C1orf185: variants seen among roughly 807,000 people sequenced by gnomAD.
C1orf185 encodes uncharacterized protein C1orf185.
In C1orf185, 13 loss-of-function variants were observed where a neutral mutation model predicts 16.1. The ratio of observed to expected loss-of-function variants is 0.81; its 90% confidence interval spans 0.53 to 1.28. The LOEUF is 1.28. Ranked by LOEUF, C1orf185 falls within the 50% of genes most tolerant of loss-of-function variation. The pLI, the probability that C1orf185 is intolerant of heterozygous loss-of-function variation, is 0.00. For synonymous variants in C1orf185, 80 were observed against 76.9 expected (o/e 1.04, Z -0.21); for missense variants, 220 against 225.2 (o/e 0.98, Z 0.15).
chr1:51,116,985 C>A (rs1171893994), intron 2 of C1orf185, among the ~76,000 whole-genome samples: 3 of 152,192 alleles, frequency 2.0e-5, no homozygotes, highest in African/African-American at 4.8e-5. Flanking sequence ...TACCAGGTAG[C>A]TTTCCTTGAC....
At chr1:51,127,133 G>A (rs186340929) in intron 3 of C1orf185, among the ~76,000 whole-genome samples, 46 of 152,182 alleles carry the variant, frequency 3.0e-4, no homozygotes, top group African/African-American at 9.9e-4. Context: ...AAAGAATTTA[G>A]ATATTCCACT....
intron 2 of C1orf185, among the ~76,000 whole-genome samples, chr1:51,117,870 A>G (rs1646169040): frequency 6.6e-6 from 1 of 152,132 alleles, no homozygotes; most frequent in Admixed American, 6.5e-5. Context: ...GGATAAGAAA[A>G]GATTACGGTA....
At chr1:51,128,725 T>C (rs1646260684) in intron 3 of C1orf185, among the ~76,000 whole-genome samples, 1 of 151,960 alleles carries the variant, frequency 6.6e-6, no homozygotes, top group Non-Finnish European at 1.5e-5. Flanking sequence ...TAAAATAAAA[T>C]AGCTTTTAAT....
intron 4 of C1orf185, among the ~76,000 whole-genome samples, chr1:51,145,964 T>C (rs1464636108): frequency 1.3e-5 from 2 of 152,162 alleles, no homozygotes; most frequent in Admixed American, 6.5e-5. Context: ...TAAACTAAAA[T>C]GTGAAGTTTT....
chr1:51,127,699 C>T (rs1017506268), intron 3 of C1orf185, among the ~76,000 whole-genome samples: 15 of 151,994 alleles, frequency 9.9e-5, no homozygotes, highest in Non-Finnish European at 1.8e-4. Context: ...GGGGCTCACC[C>T]ATGTTATTGT....
intron 1 of C1orf185, among the ~76,000 whole-genome samples, chr1:51,110,401 A>G (rs1324166824): frequency 6.6e-6 from 1 of 152,226 alleles, no homozygotes; most frequent in Non-Finnish European, 1.5e-5. Context: ...ATAACCTTAT[A>G]TAACCTTTTT....
chr1:51,103,137 G>C (rs1295694518), intron 1 of C1orf185, among the ~76,000 whole-genome samples: 1 of 151,896 alleles, frequency 6.6e-6, no homozygotes, highest in African/African-American at 2.4e-5. Flanking sequence ...CAGGTACAGT[G>C]GCTCTCACTT....
intron 3 of C1orf185, among the ~76,000 whole-genome samples, chr1:51,137,418 C>T (rs1646333272): frequency 6.6e-6 from 1 of 152,064 alleles, no homozygotes; most frequent in African/African-American, 2.4e-5. Context: ...CCTGTAATTC[C>T]AGCTACTTGG....
intron 4 of C1orf185, among the ~76,000 whole-genome samples, chr1:51,147,132 TAA>T (rs1386451490): frequency 6.6e-6 from 1 of 152,188 alleles, no homozygotes; most frequent in Admixed American, 6.5e-5. Flanking sequence ...ACAAATTGAA[TAA>T]GTGAAAAATG....
intron 3 of C1orf185, among the ~76,000 whole-genome samples, chr1:51,136,564 CAACGG>C (rs1206479904): frequency 6.6e-6 from 1 of 151,996 alleles, no homozygotes; most frequent in Non-Finnish European, 1.5e-5. Flanking sequence ...ACGCATAGAT[CAACGG>C]AACAGAATAC....
intron 3 of C1orf185, among the ~76,000 whole-genome samples, chr1:51,143,049 C>T (rs1030875622): frequency 6.6e-6 from 1 of 152,168 alleles, no homozygotes; most frequent in Non-Finnish European, 1.5e-5. Context: ...CAGATGTGAG[C>T]CACCGTGCCC....
chr1:51,146,530 A>T, intron 4 of C1orf185, among the ~76,000 whole-genome samples: 1 of 152,132 alleles, frequency 6.6e-6, no homozygotes. Context: ...AAAAGTTAAT[A>T]TGTAAAATGT....
chr1:51,135,956 A>C (rs1646320695), intron 3 of C1orf185, among the ~76,000 whole-genome samples: 1 of 152,230 alleles, frequency 6.6e-6, no homozygotes, highest in Non-Finnish European at 1.5e-5. Context: ...AACTTTGGCA[A>C]AGTCTCAGGA....
At chr1:51,148,131 A>T (rs114529159), downstream of C1orf185, 529 of 174,730 alleles carry the variant, frequency 3.0e-3, 2 homozygotes, top group African/African-American at 0.012. Context: ...AATAATACAT[A>T]TATTTTCTTT....
At chr1:51,146,351 T>C (rs1336834226) in intron 4 of C1orf185, among the ~76,000 whole-genome samples, 1 of 150,892 alleles carries the variant, frequency 6.6e-6, no homozygotes, top group Non-Finnish European at 1.5e-5. Flanking sequence ...CCCAGCTACT[T>C]GGGAGGCTGG....
chr1:51,129,178 C>A (rs1039124311), intron 3 of C1orf185, among the ~76,000 whole-genome samples: 2 of 152,176 alleles, frequency 1.3e-5, no homozygotes. Flanking sequence ...AGCCACCGTG[C>A]CTGGCCACGC....
At chr1:51,106,089 A>G (rs1223384443) in intron 1 of C1orf185, among the ~76,000 whole-genome samples, 1 of 152,178 alleles carries the variant, frequency 6.6e-6, no homozygotes, top group Non-Finnish European at 1.5e-5. Flanking sequence ...GAAAGGTAGG[A>G]GGGCAGAGAT....
intron 3 of C1orf185, among the ~76,000 whole-genome samples, chr1:51,131,015 G>A (rs1328110035): frequency 6.6e-6 from 1 of 152,178 alleles, no homozygotes; most frequent in Non-Finnish European, 1.5e-5. Flanking sequence ...CAATTCTCCT[G>A]CCTCAGCCTC....
chr1:51,124,519 G>C (rs1430360766), intron 3 of C1orf185, among the ~76,000 whole-genome samples: 1 of 152,188 alleles, frequency 6.6e-6, no homozygotes, highest in Non-Finnish European at 1.5e-5. Context: ...GAACATTACT[G>C]CTCTTTGCAG....
Sources: gnomAD v4.1 joint callset for allele counts (sites outside exome capture counted in the v4.1 genomes callset) on GRCh38, gnomAD v4.1.1 for gene constraint, MANE v1.5 for transcripts, NCBI Gene and HGNC (gene_info 2026-07-23, HGNC 2026-07-21) for gene names.